LDLRAD3: variants seen among roughly 807,000 people sequenced by gnomAD.
LDLRAD3 encodes the protein low-density lipoprotein receptor class A domain-containing protein 3.
LDLRAD3 carries 20 observed loss-of-function variants against 29.4 expected under a neutral mutation model. The ratio of observed to expected loss-of-function variants is 0.68; its 90% CI spans 0.48 to 0.99. The LOEUF is 0.99. LDLRAD3 is among the 50% of genes least tolerant of loss of function. The pLI is 0.00. For missense variants in LDLRAD3, 420 were observed against 454.3 expected (o/e 0.92, Z 0.69); for synonymous variants, 157 against 192.7 (o/e 0.81, Z 1.53).
At chr11:35,972,000 G>A (rs1322073057) in intron 1 of LDLRAD3, among the ~76,000 whole-genome samples, 2 of 152,122 alleles carry the variant, frequency 1.3e-5, no homozygotes, top group African/African-American at 4.8e-5. Flanking sequence ...GTGTGGGGGA[G>A]GAGTCCCAGT....
Position 36,052,213 on chromosome 11 carries a change from G to T in LDLRAD3, c.193+15964G>T, listed in dbSNP as rs76053155. ...CAGATGCATTGCAGTTAGTTTGGTG[G>T]CCTCAAAAGCAAACTGTTTTGAACA... On this transcript the variant is annotated intron_variant, in intron 2 of 5. Transcript: ENST00000315571. 1.6e-3 allele frequency among the ~76,000 whole-genome samples: 248 copies of T among 152,312 alleles called. 2 individuals are homozygous for T. The highest frequency in any genetic ancestry group is 5.5e-3 in the African/African-American group (228 of 41,568).
rs575180065 is a variant in LDLRAD3 at position 36,154,821 on chromosome 11, A to G, written c.454+56360A>G. Among the ~76,000 whole-genome samples the G allele has an allele frequency of 2.0e-5, 3 of 152,284 alleles. No individual in the cohort carries two copies. The South Asian group carries it at 6.2e-4, about 32-fold the overall frequency. ...CTCATTTGAGACAAAATTTTCCATC[A>G]TGGACAAACCAACCACCAGGTGACC... On this transcript the variant is annotated intron_variant, in intron 4 of 5. Transcript: ENST00000315571.
Position 35,991,893 on chromosome 11 carries a change from G to GTGTGTGTGTA in LDLRAD3, c.47-44201_47-44200insATGTGTGTGT, listed in dbSNP as rs1471624196. Among the ~76,000 whole-genome samples the GTGTGTGTGTA allele has an allele frequency of 1.3e-4, 20 of 152,076 alleles. 1 individual carries two copies. The highest frequency in any genetic ancestry group is 4.6e-4 in the African/African-American group (19 of 41,474). ...TGTGTGTGTGTGTGTGTGTGTGTGT[G>GTGTGTGTGTA]TGTGTGTGTGTAGCAGGGGAGGCTC... On this transcript the variant is annotated intron_variant, in intron 1 of 5. Coordinates refer to ENST00000315571, the MANE Select transcript of LDLRAD3 (RefSeq NM_174902.4).
intron 4 of LDLRAD3, among the ~76,000 whole-genome samples, chr11:36,180,635 C>G (rs1376774475): frequency 6.6e-6 from 1 of 152,070 alleles, no homozygotes; most frequent in Non-Finnish European, 1.5e-5. Flanking sequence ...TGGAGGAGTA[C>G]CCTCATGTGG....
At position 36,053,766 on chromosome 11, in the gene LDLRAD3, G is replaced by A. The variant is rs140032505; in HGVS notation, c.193+17517G>A. ...CTCTCTTCAGTGCCCTTGACACTGC[G>A]AATGGGCCATGCACCATTAGGAGAT... is the stretch of plus-strand genomic sequence containing the variant. On this transcript the variant is annotated intron_variant, in intron 2 of 5. Coordinates refer to ENST00000315571, the MANE Select transcript of LDLRAD3 (RefSeq NM_174902.4). 1.9e-3 allele frequency among the ~76,000 whole-genome samples: 287 copies of A among 152,272 alleles called. 5 individuals are homozygous for A. Among genetic ancestry groups the A allele is most frequent in the Admixed American group, 0.016 (248 of 15,302 alleles).
intron 2 of LDLRAD3, among the ~76,000 whole-genome samples, chr11:36,076,809 G>C (rs1853018701): frequency 6.6e-6 from 1 of 152,018 alleles, no homozygotes; most frequent in Non-Finnish European, 1.5e-5. Flanking sequence ...CCATACCCTT[G>C]GGAGAAACAA....
intron 3 of LDLRAD3, among the ~76,000 whole-genome samples, chr11:36,096,458 G>A (rs1355737074): frequency 4.6e-5 from 7 of 152,194 alleles, no homozygotes; most frequent in Non-Finnish European, 2.9e-5. Context: ...ATGGGTGCCA[G>A]CTCAGTTCAT....
At chr11:36,187,653 G>A (rs757240072) in intron 4 of LDLRAD3, among the ~76,000 whole-genome samples, 13 of 152,098 alleles carry the variant, frequency 8.5e-5, no homozygotes, top group African/African-American at 2.4e-4. Flanking sequence ...TCCCTTCTCC[G>A]CAATAAAATC....
intron 4 of LDLRAD3, among the ~76,000 whole-genome samples, chr11:36,222,283 T>G (rs375543399): frequency 2.0e-5 from 3 of 152,142 alleles, no homozygotes; most frequent in African/African-American, 7.2e-5. Context: ...AGGGTCTCCC[T>G]ATGTTGCCCA....
chr11:36,008,928 A>G (rs1490702084), intron 1 of LDLRAD3, among the ~76,000 whole-genome samples: 1 of 152,228 alleles, frequency 6.6e-6, no homozygotes, highest in Non-Finnish European at 1.5e-5. Flanking sequence ...AGTCTCCTAC[A>G]GCTTTGGTTA....
chr11:36,200,159 C>T (rs1412900039), intron 4 of LDLRAD3, among the ~76,000 whole-genome samples: 1 of 151,898 alleles, frequency 6.6e-6, no homozygotes, highest in Non-Finnish European at 1.5e-5. Flanking sequence ...CAGCAAGACT[C>T]CATCTAAAAA....
intron 3 of LDLRAD3, among the ~76,000 whole-genome samples, chr11:36,092,800 C>T (rs1354120495): frequency 6.6e-6 from 1 of 152,206 alleles, no homozygotes; most frequent in Non-Finnish European, 1.5e-5. Context: ...GAGCTGATGG[C>T]CTGAGGCCTT....
At chr11:35,971,888 A>T in intron 1 of LDLRAD3, among the ~76,000 whole-genome samples, 1 of 152,112 alleles carries the variant, frequency 6.6e-6, no homozygotes, top group Non-Finnish European at 1.5e-5. Flanking sequence ...GATTATTGGG[A>T]TGGGGAAGGA....
At chr11:36,155,015 CCTTA>C (rs1168440971) in intron 4 of LDLRAD3, among the ~76,000 whole-genome samples, 1 of 152,166 alleles carries the variant, frequency 6.6e-6, no homozygotes. Flanking sequence ...TCACCCTTGC[CCTTA>C]CTTTGAATTC....
In LDLRAD3 at chr11:36,227,349, A is replaced by C. The variant is rs1470572371; in HGVS notation, c.719A>C (p.Gln240Pro). The change falls in exon 5 of 6, where the codon CAG becomes CCG. Residue 240 changes from glutamine (Q) to proline (P), a missense_variant. By Grantham distance (76) the Gln-to-Pro change is moderately conservative. Transcript: ENST00000315571. ...NVTYNVNNGI[Q>P]YVASQAEQNA... ...ACCTACAACGTCAATAATGGCATCC[A>C]GTATGTGGCCAGCCAGGCGGAGCAG... is the stretch of plus-strand genomic sequence containing the variant. The C allele has an allele frequency of 1.9e-6, 3 of 1,614,130 alleles. No homozygotes were observed. The highest frequency in any genetic ancestry group is 1.7e-5 in the Admixed American group (1 of 60,014).
rs60376519 is a variant in LDLRAD3, at chr11:36,108,319, CAAAAAAAAA to C, written c.454+9879_454+9887del. ...TGGGTGACAGAGCGAGACTCCATCT[CAAAAAAAAA>C]AAAAAAAAAAAAAAAAAAAAGATGC... On this transcript the variant is annotated intron_variant, in intron 4 of 5. Transcript: ENST00000315571. 3.1e-3 allele frequency among the ~76,000 whole-genome samples: 154 copies of C among 48,996 alleles called. 1 individual carries two copies. The highest frequency in any genetic ancestry group is 0.027 in the South Asian group (21 of 776). The allele number at this position is 48,996 out of a possible 152,430, so 32.1% of individuals were successfully genotyped here.
chr11:36,215,547 T>TGCC (rs1356562568), intron 4 of LDLRAD3, among the ~76,000 whole-genome samples: 1 of 152,138 alleles, frequency 6.6e-6, no homozygotes, highest in Non-Finnish European at 1.5e-5. Flanking sequence ...TGTGCTCCCC[T>TGCC]TTCGGGCATG....
chr11:35,972,784 C>T (rs1851429200), intron 1 of LDLRAD3: 2 of 152,160 alleles, frequency 1.3e-5, no homozygotes, highest in Admixed American at 1.3e-4. Flanking sequence ...GGCGCGGTGG[C>T]TCACGCCTGT....
At chr11:36,091,809 A>G (rs150662683) in intron 3 of LDLRAD3, among the ~76,000 whole-genome samples, 1 of 152,346 alleles carries the variant, frequency 6.6e-6, no homozygotes, top group African/African-American at 2.4e-5. Flanking sequence ...GAAACATAAC[A>G]TCCCAGAGGA....
Sources: allele counts gnomAD v4.1 joint callset (sites outside exome capture counted in the v4.1 genomes callset), GRCh38; gene constraint gnomAD v4.1.1; transcripts MANE v1.5; gene names NCBI Gene and HGNC (gene_info 2026-07-23, HGNC 2026-07-21).